GREB1: variants seen among roughly 807,000 people sequenced by gnomAD.
GREB1 encodes growth regulating estrogen receptor binding 1, also known as protein GREB1.
Under a neutral mutation model 200.7 loss-of-function variants are expected in GREB1, and 106 were observed. The ratio of observed to expected loss-of-function variants is 0.53; its 90% confidence interval spans 0.45 to 0.62. The LOEUF is 0.62. Ranked by LOEUF, GREB1 falls within the 20% of genes least tolerant of loss-of-function variation. The pLI is 0.00. For synonymous variants in GREB1, 1,132 were observed against 1,092.4 expected, an observed-to-expected ratio of 1.04 and a Z score of -0.72; for missense variants, 2,243 against 2,556.8, an observed-to-expected ratio of 0.88 and a Z score of 2.65.
chr2:11,606,877 G>A (rs1258407190), intron 17 of GREB1, among the ~76,000 whole-genome samples: 1 of 151,652 alleles, frequency 6.6e-6, no homozygotes, highest in Non-Finnish European at 1.5e-5. Flanking sequence ...CTGCCTCCCG[G>A]GTTCAAGTGA....
At chr2:11,559,766 C>T (rs1276159723) in intron 2 of GREB1, among the ~76,000 whole-genome samples, 3 of 152,202 alleles carry the variant, frequency 2.0e-5, no homozygotes, top group East Asian at 1.9e-4. Context: ...GCTAAAACCA[C>T]GCCTGCTGTA....
At position 11,638,771 on chromosome 2, in the gene GREB1, T is replaced by C. The variant is rs76551122; in HGVS notation, c.5648T>C (p.Val1883Ala). ...GLLLYLCDSF[V>A]GASFLKKFHF... Reference sequence around the variant, plus strand: ...CTGCTGTACCTCTGTGACTCTTTTGTGGGAGCTAGCTTTTTGAAAAAGTTT... The same window carrying C: ...CTGCTGTACCTCTGTGACTCTTTTGCGGGAGCTAGCTTTTTGAAAAAGTTT... Residue 1883 changes from valine to alanine, a missense_variant, in exon 32 of 33, where the codon GTG becomes GCG. This residue lies in a region of GREB1 where 478 missense variants were observed against 616.3 expected (regional missense o/e 0.78). Coordinates refer to ENST00000381486, the MANE Select transcript of GREB1 (RefSeq NM_014668.4). The C allele has an allele frequency of 6.2e-7, 1 of 1,614,096 alleles. No individual in the cohort carries two copies. The highest frequency in any genetic ancestry group is 8.5e-7 in the Non-Finnish European group (1 of 1,180,048).
Position 11,618,637 on chromosome 2 carries a change from C to A in GREB1, c.3762C>A (p.Arg1254=), listed in dbSNP as rs778612799. ...AGTGCTCCTTGACCAAGGCCTGCCG[C>A]CAGCCACCCATTGTCTTCTTGCCCA... ...ASQCSLTKAC[R]QPPIVFLPKL... is the part of the protein sequence containing the mutation. The change falls in exon 22 of 33, where the codon CGC becomes CGA. Residue 1254 remains arginine (R), a synonymous_variant. Transcript: ENST00000381486. The A allele has an allele frequency of 6.2e-7, 1 of 1,613,536 alleles. No individual in the cohort carries two copies. Among genetic ancestry groups the A allele is most frequent in the South Asian group, 1.1e-5 (1 of 91,072 alleles).
chr2:11,547,275 A>T (rs577241589), intron 1 of GREB1, among the ~76,000 whole-genome samples: 1 of 152,292 alleles, frequency 6.6e-6, no homozygotes, highest in East Asian at 1.9e-4. Flanking sequence ...ACTACTTTTC[A>T]TGGAAGAGAT....
Position 11,615,075 on chromosome 2 carries a change from T to C in GREB1, c.3123-16T>C. On this transcript the variant is annotated splice_polypyrimidine_tract_variant and intron_variant, in intron 19 of 32. Transcript: ENST00000381486. ...TGGAAGGCACTAAACAGACACCTTC[T>C]TCTGTGTCTTGCTAGGTCTTTGAGG... 6.3e-7 allele frequency: 1 copy of C among 1,594,466 alleles called. No homozygotes were observed. Among genetic ancestry groups the C allele is most frequent in the Non-Finnish European group, 8.6e-7 (1 of 1,162,058 alleles).
intron 1 of GREB1, among the ~76,000 whole-genome samples, chr2:11,499,009 A>G (rs1672959148): frequency 6.6e-6 from 1 of 152,228 alleles, no homozygotes; most frequent in Non-Finnish European, 1.5e-5. Context: ...AATTACACAA[A>G]CATGTTCCTG....
At chr2:11,524,049 A>AGT (rs1673790416) in intron 1 of GREB1, among the ~76,000 whole-genome samples, 1 of 137,660 alleles carries the variant, frequency 7.3e-6, no homozygotes, top group South Asian at 2.2e-4. Context: ...GTGCATGCAC[A>AGT]CTCACACACA....
chr2:11,614,475 C>T (rs1341719451), intron 19 of GREB1, among the ~76,000 whole-genome samples: 1 of 151,980 alleles, frequency 6.6e-6, no homozygotes, highest in East Asian at 1.9e-4. Flanking sequence ...AAAATCAGAG[C>T]CTCAGAGAAG....
intron 26 of GREB1, among the ~76,000 whole-genome samples, chr2:11,630,801 G>A (rs139822455): frequency 2.0e-4 from 30 of 152,302 alleles, no homozygotes; most frequent in African/African-American, 6.5e-4. Context: ...TTACAGAGAT[G>A]CTCCTTGTAG....
chr2:11,599,162 G>A (rs1317414695), intron 15 of GREB1, among the ~76,000 whole-genome samples: 2 of 152,072 alleles, frequency 1.3e-5, no homozygotes, highest in Non-Finnish European at 1.5e-5. Flanking sequence ...CTGAGACCCC[G>A]AATCACAGCC....
chr2:11,631,098 C>G (rs571753860), intron 26 of GREB1, among the ~76,000 whole-genome samples: 3 of 152,308 alleles, frequency 2.0e-5, no homozygotes, highest in Non-Finnish European at 4.4e-5. Flanking sequence ...GCTGGGGTTT[C>G]TCCACCACTC....
intron 2 of GREB1, among the ~76,000 whole-genome samples, chr2:11,559,234 G>T (rs1030524879): frequency 1.8e-4 from 27 of 152,186 alleles, no homozygotes; most frequent in African/African-American, 2.4e-4. Flanking sequence ...AGTTGGTTTT[G>T]TCTAAAGCCA....
In GREB1 at chr2:11,621,298, A is replaced by G. The variant is rs544166470; in HGVS notation, c.4147+291A>G. Among the ~76,000 whole-genome samples, 34 of 152,288 alleles carry G rather than the reference A, an allele frequency of 2.2e-4. 1 individual carries two copies. In the South Asian group the frequency reaches 7.1e-3, roughly 32 times the overall value. On this transcript the variant is annotated intron_variant, in intron 23 of 32. Coordinates refer to ENST00000381486, the MANE Select transcript of GREB1 (RefSeq NM_014668.4). ...GTTACCATGTCAATTTCTTAGGCCC[A>G]GGGTGAGATAGATGTTCCATTCTCC...
At chr2:11,523,174 A>T (rs1376834644) in intron 1 of GREB1, among the ~76,000 whole-genome samples, 1 of 152,312 alleles carries the variant, frequency 6.6e-6, no homozygotes, top group East Asian at 1.9e-4. Flanking sequence ...TGGGAGCTAA[A>T]TGATGAGAAC....
At chr2:11,589,746 A>C (rs996479063) in intron 10 of GREB1, among the ~76,000 whole-genome samples, 5 of 152,218 alleles carry the variant, frequency 3.3e-5, no homozygotes, top group African/African-American at 4.8e-5. Context: ...TGAAGGTGGC[A>C]GCAGTGAGCT....
chr2:11,623,200 G>A (rs1266275797), intron 23 of GREB1, among the ~76,000 whole-genome samples: 1 of 152,154 alleles, frequency 6.6e-6, no homozygotes, highest in East Asian at 1.9e-4. Context: ...GTGGCAAGAG[G>A]CATTACTCAA....
intron 26 of GREB1, 61 bp downstream of exon 26, chr2:11,630,170 G>A: frequency 6.5e-7 from 1 of 1,538,270 alleles, no homozygotes; most frequent in Non-Finnish European, 8.9e-7. Context: ...ACTGAGCCGG[G>A]GACTAGAGAC....
intron 30 of GREB1, among the ~76,000 whole-genome samples, chr2:11,635,645 C>T (rs978161385): frequency 2.0e-5 from 3 of 152,158 alleles, no homozygotes; most frequent in South Asian, 2.1e-4. Context: ...TGCAAGGCTA[C>T]AACCAAGCCT....
intron 18 of GREB1, among the ~76,000 whole-genome samples, chr2:11,612,078 C>T (rs1682985899): frequency 6.6e-6 from 1 of 151,898 alleles, no homozygotes; most frequent in Non-Finnish European, 1.5e-5. Context: ...CCTGTAGTCC[C>T]AGCTACTCGG....
Sources: gnomAD v4.1 joint callset for allele counts (sites outside exome capture counted in the v4.1 genomes callset) on GRCh38, gnomAD v4.1.1 for gene constraint, gnomAD v4.1.1 regional missense constraint, MANE v1.5 for transcripts, NCBI Gene and HGNC (gene_info 2026-07-23, HGNC 2026-07-21) for gene names.